RNF144A: variants seen among roughly 807,000 people sequenced by gnomAD.
The protein encoded by RNF144A is ring finger protein 144A, also known as E3 ubiquitin-protein ligase RNF144A.
RNF144A carries 11 observed loss-of-function variants against 38.7 expected under a neutral mutation model. That is an observed-to-expected ratio of 0.28 (90% CI 0.18 to 0.47). The LOEUF is 0.47. Ranked by LOEUF, RNF144A falls within the 20% of genes least tolerant of loss-of-function variation. The pLI is 0.99. For synonymous variants in RNF144A, 149 were observed against 143.9 expected (o/e 1.04, Z -0.25); for missense variants, 316 against 377.2 (o/e 0.84, Z 1.34).
downstream of RNF144A, among the ~76,000 whole-genome samples, chr2:7,073,001 G>T (rs920575226): frequency 6.6e-6 from 1 of 152,044 alleles, no homozygotes; most frequent in African/African-American, 2.4e-5. Context: ...ACTTCACTCT[G>T]TCCCATACAT....
the RNF144A span, among the ~76,000 whole-genome samples, chr2:7,073,687 A>G: frequency 3.3e-5 from 5 of 152,260 alleles, no homozygotes; most frequent in Non-Finnish European, 7.3e-5. Context: ...TTAAGCACGT[A>G]CGCTATGCCA....
chr2:7,069,956 G>A (rs746771361), downstream of RNF144A, among the ~76,000 whole-genome samples: 97 of 152,322 alleles, frequency 6.4e-4, 1 homozygote, highest in Middle Eastern at 3.4e-3. Flanking sequence ...CTGTCTTTTT[G>A]CGTGCATGGA....
chr2:7,073,964 C>T, the RNF144A span, among the ~76,000 whole-genome samples: 1 of 152,210 alleles, frequency 6.6e-6, no homozygotes, highest in Non-Finnish European at 1.5e-5. Flanking sequence ...CACAGAGCAG[C>T]GTGTGTTCGT....
At chr2:6,949,954 A>G (rs1004475779) in intron 2 of RNF144A, among the ~76,000 whole-genome samples, 6 of 151,980 alleles carry the variant, frequency 3.9e-5, no homozygotes, top group African/African-American at 1.5e-4. Flanking sequence ...TATTATTATT[A>G]TTATTTTTTT....
At chr2:7,044,899 A>G (rs1673238662), downstream of RNF144A, among the ~76,000 whole-genome samples, 1 of 152,240 alleles carries the variant, frequency 6.6e-6, no homozygotes, top group African/African-American at 2.4e-5. Flanking sequence ...GACTCAATAT[A>G]TCTGCCCTCA....
In RNF144A at chr2:6,996,987, A is replaced by C; in HGVS notation, c.61A>C (p.Lys21Gln). The stretch of plus-strand genomic sequence containing the variant: ...GGCCCTCGACCCGCTGGTGTCTTGC[A>C]AGCTCTGTCTTGGGGAGTACCCAGT... ...DLALDPLVSC[K>Q]LCLGEYPVEQ... The change falls in exon 3 of 9, where the codon AAG becomes CAG. Residue 21 changes from lysine (K) to glutamine (Q), a missense_variant. Physicochemically the swap from Lys to Gln is moderately conservative, Grantham distance 53. Coordinates refer to ENST00000320892, the MANE Select transcript of RNF144A (RefSeq NM_014746.6). The C allele has an allele frequency of 6.2e-7, 1 of 1,614,148 alleles. No homozygotes were observed. The highest frequency in any genetic ancestry group is 8.5e-7 in the Non-Finnish European group (1 of 1,179,976).
chr2:7,010,844 C>T (rs1572396346), intron 3 of RNF144A, among the ~76,000 whole-genome samples: 2 of 152,168 alleles, frequency 1.3e-5, no homozygotes, highest in Admixed American at 1.3e-4. Flanking sequence ...TAGAGCCTCC[C>T]TGCCCCCTTG....
intron 2 of RNF144A, among the ~76,000 whole-genome samples, chr2:6,982,267 A>ATGTGCTGTGTGTTGCAATGTGCT (rs1249996754): frequency 3.3e-5 from 5 of 152,230 alleles, no homozygotes; most frequent in African/African-American, 4.8e-5. Flanking sequence ...GCTACTCGTA[A>ATGTGCTGTGTGTTGCAATGTGCT]GTGTGTTGCA....
chr2:6,931,208 T>A (rs1665192675), intron 1 of RNF144A, among the ~76,000 whole-genome samples: 1 of 152,232 alleles, frequency 6.6e-6, no homozygotes, highest in Admixed American at 6.5e-5. Flanking sequence ...AGAGACAGGA[T>A]CCTGCTCAAG....
At chr2:6,923,592 T>C (rs938816273) in intron 1 of RNF144A, among the ~76,000 whole-genome samples, 1 of 152,222 alleles carries the variant, frequency 6.6e-6, no homozygotes, top group Non-Finnish European at 1.5e-5. Flanking sequence ...CTTCCAGCTG[T>C]AAAATTGCCA....
chr2:6,952,403 TTC>T (rs200762490), intron 2 of RNF144A, among the ~76,000 whole-genome samples: 3,589 of 150,926 alleles, frequency 0.024, 153 homozygotes, highest in African/African-American at 0.084. Flanking sequence ...TTTTTTTTTT[TTC>T]CTGTTTTTCC....
rs182979136 is a variant in RNF144A, at chr2:7,065,814, T to C, written c.735-2402T>C. On this transcript the variant is annotated intron_variant, in intron 6 of 6. Coordinates refer to the RNF144A transcript ENST00000432850. ...CAAACTTGCTTCTTCTTCAAAGATATTCATGGAAAAGACTACGAAAGTTAC... is the reference window on the plus strand; with the variant it reads ...CAAACTTGCTTCTTCTTCAAAGATACTCATGGAAAAGACTACGAAAGTTAC... 3.5e-3 allele frequency among the ~76,000 whole-genome samples: 533 copies of C among 152,356 alleles called. 19 individuals carry two copies. The highest frequency in any genetic ancestry group is 0.029 in the Admixed American group (441 of 15,306).
In RNF144A at chr2:7,043,770, C is replaced by A. The variant is rs1012406138; in HGVS notation, c.*4010C>A. 3.0e-6 allele frequency: 3 copies of A among 985,738 alleles called. No homozygotes were observed. The African/African-American group carries it at 5.2e-5, about 17-fold the overall frequency. The allele number at this position is 985,738 out of a possible 1,614,324, so 61.1% of individuals were successfully genotyped here. On this transcript the variant is annotated 3_prime_UTR_variant, in exon 9 of 9. Transcript: ENST00000320892. The stretch of plus-strand genomic sequence containing the variant: ...TGTGCAATTCTGTCTTCCACAGTTC[C>A]GGAGCCTTCAGTGAGGGGTAGCTAC...
At chr2:6,927,160 G>A (rs763348116) in intron 1 of RNF144A, among the ~76,000 whole-genome samples, 1 of 152,130 alleles carries the variant, frequency 6.6e-6, no homozygotes. Context: ...TTCATATGCC[G>A]AATAAATATT....
intron 2 of RNF144A, chr2:6,996,714 C>A: frequency 1.8e-6 from 1 of 564,450 alleles, no homozygotes; most frequent in Non-Finnish European, 3.2e-6. Context: ...GATTGCACCA[C>A]TGTACTCCAA....
chr2:7,053,172 C>A (rs1673595531), intron 6 of RNF144A, among the ~76,000 whole-genome samples: 1 of 152,080 alleles, frequency 6.6e-6, no homozygotes, highest in Admixed American at 6.5e-5. Flanking sequence ...ATCTATCTAC[C>A]GTTTCTAAAA....
intron 1 of RNF144A, among the ~76,000 whole-genome samples, chr2:6,924,092 T>A (rs1156270354): frequency 6.6e-6 from 1 of 152,210 alleles, no homozygotes; most frequent in Non-Finnish European, 1.5e-5. Flanking sequence ...TAAACCAGGT[T>A]CTCTCTTTAG....
chr2:7,057,380 T>A (rs376875397), intron 6 of RNF144A, among the ~76,000 whole-genome samples: 1 of 152,142 alleles, frequency 6.6e-6, no homozygotes, highest in East Asian at 1.9e-4. Context: ...GACAGCTTAA[T>A]GAGGAAGGAC....
intron 6 of RNF144A, among the ~76,000 whole-genome samples, chr2:7,056,197 G>A (rs186184891): frequency 8.5e-5 from 13 of 152,242 alleles, no homozygotes; most frequent in South Asian, 2.1e-4. Context: ...CATGGTGGCC[G>A]TTCTGATCTT....
Sources: allele counts gnomAD v4.1 joint callset (sites outside exome capture counted in the v4.1 genomes callset), GRCh38; gene constraint gnomAD v4.1.1; transcripts MANE v1.5; gene names NCBI Gene and HGNC (gene_info 2026-07-23, HGNC 2026-07-21).